Variants in EPHA7 observed in about 807,000 individuals in gnomAD.
EPHA7 encodes EPH receptor A7, also known as ephrin type-A receptor 7.
Under a neutral mutation model 112.6 loss-of-function variants are expected in EPHA7, and 25 were observed. The ratio of observed to expected loss-of-function variants is 0.22; its 90% CI spans 0.16 to 0.31. EPHA7 has a LOEUF of 0.31. EPHA7 is among the 10% of genes least tolerant of loss of function. EPHA7 has a pLI of 1.00. For missense variants in EPHA7, 962 were observed against 1,212.6 expected, an observed-to-expected ratio of 0.79 and a Z score of 3.07; for synonymous variants, 437 against 406.5, an observed-to-expected ratio of 1.07 and a Z score of -0.90.
At chr6:93,280,676 C>G (rs1487120114) in intron 5 of EPHA7, among the ~76,000 whole-genome samples, 1 of 152,040 alleles carries the variant, frequency 6.6e-6, no homozygotes, top group Non-Finnish European at 1.5e-5. Flanking sequence ...GAAAATTGAA[C>G]CTCTCTGTGT....
At chr6:93,354,591 ATATT>A (rs1026432390) in intron 5 of EPHA7, among the ~76,000 whole-genome samples, 5 of 149,476 alleles carry the variant, frequency 3.3e-5, no homozygotes, top group African/African-American at 1.2e-4. Flanking sequence ...TCATCACAAT[ATATT>A]TATTGTACAT....
intron 5 of EPHA7, among the ~76,000 whole-genome samples, chr6:93,354,030 C>T (rs1432717213): frequency 6.6e-6 from 1 of 152,030 alleles, no homozygotes; most frequent in Non-Finnish European, 1.5e-5. Flanking sequence ...TCTTAATAAA[C>T]CCTTTTATGC....
intron 8 of EPHA7, 74 bp downstream of exon 8, chr6:93,264,520 T>G (rs1181391923): frequency 1.1e-5 from 10 of 887,986 alleles, no homozygotes; most frequent in Middle Eastern, 2.3e-4. Flanking sequence ...TTTATTACAC[T>G]AAGTAATAGG....
chr6:93,273,569 G>C (rs1007250206), intron 5 of EPHA7, among the ~76,000 whole-genome samples: 7 of 151,858 alleles, frequency 4.6e-5, no homozygotes, highest in African/African-American at 1.7e-4. Flanking sequence ...TTTGAAGGAA[G>C]GACATGGAAG....
chr6:93,337,141 G>A (rs995054157), intron 5 of EPHA7, among the ~76,000 whole-genome samples: 7 of 152,076 alleles, frequency 4.6e-5, no homozygotes, highest in Non-Finnish European at 5.9e-5. Context: ...TTTCAAATCC[G>A]CAATTCAAAG....
At position 93,375,660 on chromosome 6, in the gene EPHA7, A is replaced by AG. The variant is rs1432302678; in HGVS notation, c.833-17250dup. On this transcript the variant is annotated intron_variant, in intron 3 of 16. Transcript: ENST00000369303. ...AAAAAAAAACAAACTCCTAATAGGC[A>AG]GCTAGTATAGATAAAAAATTCACTA... Among the ~76,000 whole-genome samples, 4 of 152,010 alleles carry AG rather than the reference A, an allele frequency of 2.6e-5. No individual in the cohort carries two copies. In the East Asian group the frequency reaches 5.8e-4, roughly 22 times the overall value.
At chr6:93,398,926 A>G (rs1040556738) in intron 3 of EPHA7, among the ~76,000 whole-genome samples, 1 of 152,128 alleles carries the variant, frequency 6.6e-6, no homozygotes, top group Non-Finnish European at 1.5e-5. Context: ...AAACTAAAAC[A>G]CTGTCTCAAC....
chr6:93,340,040 C>A (rs1775066409), intron 5 of EPHA7, among the ~76,000 whole-genome samples: 2 of 151,604 alleles, frequency 1.3e-5, no homozygotes, highest in Non-Finnish European at 3.0e-5. Flanking sequence ...GGGAAATAAA[C>A]ATAGGGACAG....
At chr6:93,303,659 C>T (rs1773107266) in intron 5 of EPHA7, among the ~76,000 whole-genome samples, 1 of 152,058 alleles carries the variant, frequency 6.6e-6, no homozygotes, top group Non-Finnish European at 1.5e-5. Flanking sequence ...ATAGTATCTG[C>T]TCTGCGTTTT....
intron 7 of EPHA7, among the ~76,000 whole-genome samples, chr6:93,265,199 A>G (rs1239372010): frequency 2.6e-5 from 4 of 151,688 alleles, no homozygotes; most frequent in Non-Finnish European, 5.9e-5. Context: ...AATCATAAAC[A>G]TCATAAATTT....
chr6:93,375,772 A>T (rs982057486), intron 3 of EPHA7, among the ~76,000 whole-genome samples: 1 of 152,174 alleles, frequency 6.6e-6, no homozygotes. Flanking sequence ...TTGCTACCCT[A>T]AACAGTGATG....
In EPHA7 at chr6:93,412,595, G is replaced by C. The variant is rs369011369; in HGVS notation, c.163-1425C>G. Among the ~76,000 whole-genome samples the C allele has an allele frequency of 7.9e-5, 12 of 152,196 alleles. No homozygotes were observed. The East Asian group carries it at 1.2e-3, about 15-fold the overall frequency. On this transcript the variant is annotated intron_variant, in intron 2 of 16. Coordinates refer to ENST00000369303, the MANE Select transcript of EPHA7 (RefSeq NM_004440.4). ...AACTTGCATTTGTGACTAGTTAACAGTGTGCCTAGCTTCCCTTTGTTTCAG... is the reference window on the plus strand; with the variant it reads ...AACTTGCATTTGTGACTAGTTAACACTGTGCCTAGCTTCCCTTTGTTTCAG...
intron 5 of EPHA7, among the ~76,000 whole-genome samples, chr6:93,308,534 T>C (rs1773373154): frequency 6.6e-6 from 1 of 152,138 alleles, no homozygotes; most frequent in African/African-American, 2.4e-5. Context: ...TATCCCTTTC[T>C]GAGATGTACA....
chr6:93,383,181 T>C (rs1777426378), intron 3 of EPHA7, among the ~76,000 whole-genome samples: 1 of 151,618 alleles, frequency 6.6e-6, no homozygotes, highest in Admixed American at 6.6e-5. Context: ...CATTACACTG[T>C]AGTGTGTGTG....
intron 14 of EPHA7, among the ~76,000 whole-genome samples, chr6:93,247,660 G>A (rs1770015361): frequency 1.3e-5 from 2 of 149,510 alleles, no homozygotes; most frequent in South Asian, 4.2e-4. Context: ...ACAAATCAGG[G>A]CTTTCCCAGA....
At chr6:93,377,803 G>A (rs926603468) in intron 3 of EPHA7, among the ~76,000 whole-genome samples, 6 of 152,010 alleles carry the variant, frequency 3.9e-5, no homozygotes, top group Middle Eastern at 3.4e-3. Flanking sequence ...GTGTCAAATC[G>A]TTATCATACT....
At chr6:93,248,048 G>A (rs901707017) in intron 14 of EPHA7, among the ~76,000 whole-genome samples, 1 of 151,796 alleles carries the variant, frequency 6.6e-6, no homozygotes, top group African/African-American at 2.4e-5. Context: ...CATTCGAGGG[G>A]GAAGAACAAA....
intron 3 of EPHA7, among the ~76,000 whole-genome samples, chr6:93,364,593 C>A (rs1241044365): frequency 1.4e-5 from 2 of 146,112 alleles, no homozygotes; most frequent in Non-Finnish European, 3.0e-5. Flanking sequence ...AACACTTAAA[C>A]AGGCAAACAT....
At chr6:93,405,809 GTGTGTATATATATATATATA>G (rs1236997843) in intron 3 of EPHA7, among the ~76,000 whole-genome samples, 11 of 61,624 alleles carry the variant, frequency 1.8e-4, no homozygotes, top group African/African-American at 9.6e-4. Context: ...GTGTGTGTGT[GTGTGTATATATATATATATA>G]TATATATATA....
Sources: allele counts gnomAD v4.1 joint callset (sites outside exome capture counted in the v4.1 genomes callset), GRCh38; gene constraint gnomAD v4.1.1; transcripts MANE v1.5; gene names NCBI Gene and HGNC (gene_info 2026-07-23, HGNC 2026-07-21).